Variants in PTPRD observed in about 807,000 individuals in gnomAD.
PTPRD encodes protein tyrosine phosphatase receptor type D.
In PTPRD, 34 loss-of-function variants were observed where a neutral mutation model predicts 214.5. The observed-to-expected ratio is 0.16, with a 90% CI of 0.12 to 0.21. The LOEUF (loss-of-function observed/expected upper bound fraction) is 0.21. Ranked by LOEUF, PTPRD falls within the 10% of genes least tolerant of loss-of-function variation. PTPRD has a pLI of 1.00. For synonymous variants in PTPRD, 1,128 were observed against 845.7 expected (o/e 1.33, Z -5.79); for missense variants, 2,545 against 2,398.7 (o/e 1.06, Z -1.27).
At chr9:9,244,667 A>T (rs10816073) in intron 9 of PTPRD, among the ~76,000 whole-genome samples, 113,400 of 151,928 alleles carry the variant, frequency 0.75, 42,611 homozygotes, top group Non-Finnish European at 0.77. Flanking sequence ...ATGTTAGACC[A>T]AAAACCATAA....
At chr9:8,941,862 A>G (rs2099036021) in intron 11 of PTPRD, among the ~76,000 whole-genome samples, 1 of 152,078 alleles carries the variant, frequency 6.6e-6, no homozygotes, top group Non-Finnish European at 1.5e-5. Flanking sequence ...CTGGAGTGCA[A>G]TGGCACCGTC....
chr9:8,680,723 C>G (rs577548925), intron 12 of PTPRD, among the ~76,000 whole-genome samples: 1 of 152,224 alleles, frequency 6.6e-6, no homozygotes, highest in African/African-American at 2.4e-5. Context: ...TATGCCTATA[C>G]TTCTATATCT....
chr9:8,972,662 G>A (rs1395609520), intron 11 of PTPRD, among the ~76,000 whole-genome samples: 1 of 151,800 alleles, frequency 6.6e-6, no homozygotes, highest in Non-Finnish European at 1.5e-5. Flanking sequence ...AACACTTCAC[G>A]GATGCAAAGG....
At chr9:8,740,124 G>T (rs1446510907) in intron 11 of PTPRD, among the ~76,000 whole-genome samples, 2 of 152,044 alleles carry the variant, frequency 1.3e-5, no homozygotes, top group Non-Finnish European at 2.9e-5. Context: ...GAATGTAAAG[G>T]GAAGATCAGT....
chr9:9,147,036 T>C (rs979257033), intron 10 of PTPRD, among the ~76,000 whole-genome samples: 2 of 152,142 alleles, frequency 1.3e-5, no homozygotes, highest in African/African-American at 4.8e-5. Flanking sequence ...TGTATATAGA[T>C]AGACTTTAAC....
chr9:8,438,022 T>A (rs1484666696), intron 34 of PTPRD, among the ~76,000 whole-genome samples: 14 of 152,160 alleles, frequency 9.2e-5, no homozygotes. Flanking sequence ...TGAACTAGCA[T>A]GTCCCCAGGG....
chr9:10,421,303 C>G (rs1028625044), intron 2 of PTPRD, among the ~76,000 whole-genome samples: 1 of 151,710 alleles, frequency 6.6e-6, no homozygotes, highest in African/African-American at 2.4e-5. Flanking sequence ...TCTTGCTCAC[C>G]CCCACACATA....
chr9:10,423,048 A>G (rs545480429), intron 2 of PTPRD, among the ~76,000 whole-genome samples: 15 of 152,246 alleles, frequency 9.9e-5, no homozygotes, highest in African/African-American at 3.4e-4. Flanking sequence ...AAGACTTGGA[A>G]CCAACCCAAA....
chr9:8,559,040 CTG>C (rs1195439642), intron 14 of PTPRD, among the ~76,000 whole-genome samples: 16 of 152,142 alleles, frequency 1.1e-4, no homozygotes, highest in African/African-American at 3.4e-4. Flanking sequence ...TAATAGCTAA[CTG>C]AAGTTTTACT....
intron 9 of PTPRD, among the ~76,000 whole-genome samples, chr9:9,349,754 CAT>C (rs1490247623): frequency 6.7e-6 from 1 of 148,554 alleles, no homozygotes; most frequent in Non-Finnish European, 1.5e-5. Flanking sequence ...GCACCCATCA[CAT>C]GTTTTTTTTT....
At chr9:8,625,697 T>C (rs72698246) in intron 14 of PTPRD, among the ~76,000 whole-genome samples, 15,031 of 151,522 alleles carry the variant, frequency 0.099, 951 homozygotes, top group South Asian at 0.15. Context: ...AGGGTGAAAA[T>C]AACATTTATG....
intron 6 of PTPRD, among the ~76,000 whole-genome samples, chr9:9,758,023 G>A (rs1013679320): frequency 2.6e-5 from 4 of 151,718 alleles, no homozygotes; most frequent in South Asian, 2.1e-4. Context: ...CATATCTGCC[G>A]GTGAGCCTCT....
chr9:8,429,853 T>C (rs540573555), intron 35 of PTPRD, among the ~76,000 whole-genome samples: 3 of 152,330 alleles, frequency 2.0e-5, no homozygotes, highest in South Asian at 2.1e-4. Context: ...ACAGAGTTTC[T>C]TGTCCCTCTC....
chr9:9,827,369 T>G (rs1193177671), intron 5 of PTPRD, among the ~76,000 whole-genome samples: 2 of 152,092 alleles, frequency 1.3e-5, no homozygotes, highest in Admixed American at 6.6e-5. Flanking sequence ...TACAGCTATC[T>G]GATCTTTGAC....
intron 7 of PTPRD, among the ~76,000 whole-genome samples, chr9:9,578,086 C>G (rs1200681834): frequency 1.4e-5 from 2 of 138,588 alleles, no homozygotes; most frequent in East Asian, 4.6e-4. Flanking sequence ...ATCAGATATA[C>G]TTCTCTCATT....
intron 3 of PTPRD, among the ~76,000 whole-genome samples, chr9:10,094,624 A>G (rs1435066944): frequency 6.8e-6 from 1 of 147,652 alleles, no homozygotes; most frequent in African/African-American, 2.5e-5. Context: ...CATTACCCAC[A>G]TCTGTCATAT....
chr9:8,318,767 G>A (rs562609979), intron 45 of PTPRD, among the ~76,000 whole-genome samples: 176 of 152,084 alleles, frequency 1.2e-3, no homozygotes, highest in Non-Finnish European at 1.9e-3. Context: ...TTCAGACAAC[G>A]AAGAACACTA....
At position 10,210,796 on chromosome 9, in the gene PTPRD, C is replaced by CATATATATATATATATATATAT. The variant is rs35136618; in HGVS notation, c.-545+130145_-545+130166dup. 3.9e-5 allele frequency among the ~76,000 whole-genome samples: 3 copies of CATATATATATATATATATATAT among 76,728 alleles called. 1 individual carries two copies. The highest frequency in any genetic ancestry group is 8.8e-5 in the Non-Finnish European group (3 of 34,254). The allele number at this position is 76,728 out of a possible 152,430, so 50.3% of individuals were successfully genotyped here. A position where few individuals can be genotyped will look rare whatever the true frequency, so the allele number is the denominator to read the frequency against. The stretch of plus-strand genomic sequence containing the variant: ...TTATATATATAAAATCAAAAAACTT[C>CATATATATATATATATATATAT]ATATATATATATATATATATATATA... On this transcript the variant is annotated intron_variant, in intron 3 of 45. Coordinates refer to ENST00000381196, the MANE Select transcript of PTPRD (RefSeq NM_002839.4).
chr9:9,351,482 G>A (rs1157954084), intron 9 of PTPRD, among the ~76,000 whole-genome samples: 1 of 151,940 alleles, frequency 6.6e-6, no homozygotes, highest in African/African-American at 2.4e-5. Flanking sequence ...AAACGCAAAG[G>A]ACACACTATC....
Sources: gnomAD v4.1 joint callset for allele counts (sites outside exome capture counted in the v4.1 genomes callset) on GRCh38, gnomAD v4.1.1 for gene constraint, MANE v1.5 for transcripts, NCBI Gene and HGNC (gene_info 2026-07-23, HGNC 2026-07-21) for gene names.